DGKI: variants seen among roughly 807,000 people sequenced by gnomAD.
DGKI encodes the protein diacylglycerol kinase iota.
DGKI carries 55 observed loss-of-function variants against 147.5 expected under a neutral mutation model. The observed-to-expected ratio is 0.37, with a 90% CI of 0.30 to 0.47. The LOEUF (loss-of-function observed/expected upper bound fraction) is 0.47. Ranked by LOEUF, DGKI falls within the 20% of genes least tolerant of loss-of-function variation. The probability of loss-of-function intolerance (pLI) is 1.00; values close to 1 mark genes in which losing one functional copy is unlikely to be tolerated. For synonymous variants in DGKI, 469 were observed against 477.1 expected (o/e 0.98, Z 0.22); for missense variants, 1,007 against 1,323.8 (o/e 0.76, Z 3.71).
chr7:137,676,857 CAA>C (rs1213711912), intron 3 of DGKI, among the ~76,000 whole-genome samples: 1 of 152,120 alleles, frequency 6.6e-6, no homozygotes, highest in Admixed American at 6.6e-5. Flanking sequence ...ATATATTTGT[CAA>C]GAGAGGTAGC....
intron 1 of DGKI, among the ~76,000 whole-genome samples, chr7:137,760,709 C>T (rs1045846665): frequency 5.3e-5 from 8 of 152,182 alleles, no homozygotes; most frequent in African/African-American, 1.9e-4. Flanking sequence ...CAAAAAGAAG[C>T]TGATGGCTAA....
intron 28 of DGKI, among the ~76,000 whole-genome samples, chr7:137,440,732 A>G (rs555988474): frequency 1.3e-5 from 2 of 152,254 alleles, no homozygotes; most frequent in Non-Finnish European, 2.9e-5. Context: ...GCATGCGAGC[A>G]CAGTGCTTCT....
intron 6 of DGKI, among the ~76,000 whole-genome samples, chr7:137,639,237 A>G (rs1289501905): frequency 6.6e-6 from 1 of 152,212 alleles, no homozygotes; most frequent in Admixed American, 6.5e-5. Context: ...CCTTAAAAAG[A>G]CTGGAATCAA....
At chr7:137,564,438 G>C (rs1478559418) in intron 19 of DGKI, among the ~76,000 whole-genome samples, 1 of 151,882 alleles carries the variant, frequency 6.6e-6, no homozygotes, top group East Asian at 1.9e-4. Context: ...AAAAGGAAAA[G>C]TATAAACAAA....
chr7:137,585,707 A>G (rs1312660082), intron 13 of DGKI, among the ~76,000 whole-genome samples: 1 of 152,124 alleles, frequency 6.6e-6, no homozygotes, highest in African/African-American at 2.4e-5. Context: ...CACAAAACAA[A>G]TGTGTTTGGA....
intron 1 of DGKI, among the ~76,000 whole-genome samples, chr7:137,763,597 A>AT (rs1189513461): frequency 2.0e-5 from 3 of 152,234 alleles, no homozygotes; most frequent in African/African-American, 7.2e-5. Flanking sequence ...AAGTATCCTC[A>AT]TTTTTGAAAA....
chr7:137,718,751 C>A (rs915345948), intron 1 of DGKI, among the ~76,000 whole-genome samples: 2 of 152,168 alleles, frequency 1.3e-5, no homozygotes, highest in African/African-American at 4.8e-5. Flanking sequence ...TCCTGGGCAA[C>A]AAAGGAGAAG....
rs781580130 is a variant in DGKI, at chr7:137,846,161, T to TCTCTCTCTCTCACA, written c.401+300_401+301insTGTGAGAGAGAGAG. On this transcript the variant is annotated intron_variant, in intron 1 of 32. Coordinates refer to ENST00000614521, the MANE Select transcript of DGKI (RefSeq NM_001321708.2). This position sits in a 1 kb window ranked among gnomAD's most constrained non-coding sequence, Gnocchi z 4.0. ...CTCTCTCTCTCTCTCTCTCTCTCTCTCACACACACACACACACACACACAC... is the reference window on the plus strand; with the variant it reads ...CTCTCTCTCTCTCTCTCTCTCTCTCTCTCTCTCTCTCACACACACACACACACACACACACACAC... Among the ~76,000 whole-genome samples the TCTCTCTCTCTCACA allele has an allele frequency of 4.1e-3, 443 of 108,188 alleles. 2 individuals carry two copies. Among genetic ancestry groups the TCTCTCTCTCTCACA allele is most frequent in the Non-Finnish European group, 6.0e-3 (332 of 55,300 alleles). The allele number at this position is 108,188 out of a possible 152,430, so 71.0% of individuals were successfully genotyped here. A position where few individuals can be genotyped will look rare whatever the true frequency, so the allele number is the denominator to read the frequency against.
intron 19 of DGKI, among the ~76,000 whole-genome samples, chr7:137,569,767 A>AAAAAAAAAAAC (rs1818730393): frequency 7.9e-6 from 1 of 126,086 alleles, no homozygotes; most frequent in Non-Finnish European, 1.6e-5. Context: ...AAAAAAAAAA[A>AAAAAAAAAAAC]AAAAAGAATT....
intron 20 of DGKI, among the ~76,000 whole-genome samples, chr7:137,536,963 CTG>C (rs1817541109): frequency 6.6e-6 from 1 of 151,816 alleles, no homozygotes; most frequent in African/African-American, 2.4e-5. Flanking sequence ...CTCATGGAAA[CTG>C]AGAGATAAAG....
intron 21 of DGKI, among the ~76,000 whole-genome samples, chr7:137,506,797 A>C (rs1462795227): frequency 6.6e-6 from 1 of 152,212 alleles, no homozygotes; most frequent in African/African-American, 2.4e-5. Context: ...TCTTAGTTAA[A>C]AAGAAACAGA....
chr7:137,677,198 T>G (rs1474953350), intron 3 of DGKI, among the ~76,000 whole-genome samples: 1 of 152,182 alleles, frequency 6.6e-6, no homozygotes, highest in Non-Finnish European at 1.5e-5. Flanking sequence ...GATATTTAAG[T>G]CAATTAAATT....
At chr7:137,580,058 G>C (rs569549618) in intron 15 of DGKI, among the ~76,000 whole-genome samples, 1 of 151,990 alleles carries the variant, frequency 6.6e-6, no homozygotes, top group Admixed American at 6.6e-5. Flanking sequence ...AAAAACTTCC[G>C]GATAAGTTAG....
chr7:137,788,518 C>T (rs1465118135), intron 1 of DGKI, among the ~76,000 whole-genome samples: 1 of 152,018 alleles, frequency 6.6e-6, no homozygotes, highest in Non-Finnish European at 1.5e-5. Context: ...GTTCTTCTAC[C>T]AATCATCCAT....
Position 137,846,327 on chromosome 7 carries a change from G to C in DGKI, c.401+135C>G. ...GGGGAGAAGACAGACATCCCCGGGA[G>C]GAGAGGGGGAAAGGGGGAAGGAGAG... On this transcript the variant is annotated intron_variant, in intron 1 of 32. Transcript: ENST00000614521. This position sits in a 1 kb window ranked among gnomAD's most constrained non-coding sequence, Gnocchi z 4.0. 1.9e-6 allele frequency: 1 copy of C among 527,544 alleles called. No individual in the cohort carries two copies. 32.7% of individuals were successfully genotyped at this position (527,544 alleles called of 1,614,324 possible).
At chr7:137,547,929 G>C (rs2128964202) in intron 20 of DGKI, among the ~76,000 whole-genome samples, 2 of 152,254 alleles carry the variant, frequency 1.3e-5, no homozygotes, top group Middle Eastern at 6.8e-3. Flanking sequence ...ACTGCAAGAA[G>C]AGGACCAGAG....
chr7:137,660,963 C>T (rs981260573), intron 3 of DGKI, among the ~76,000 whole-genome samples: 2 of 152,102 alleles, frequency 1.3e-5, no homozygotes, highest in Admixed American at 6.6e-5. Flanking sequence ...GGATTGGGGC[C>T]TTTTTGCTGC....
chr7:137,645,558 A>G (rs1821795695), intron 5 of DGKI, 21 bp from the exon 6 acceptor site: 1 of 1,605,006 alleles, frequency 6.2e-7, no homozygotes, highest in Admixed American at 1.7e-5. Context: ...ACAAAATTAA[A>G]TGAATATTTT....
intron 1 of DGKI, among the ~76,000 whole-genome samples, chr7:137,740,572 G>A (rs1389312196): frequency 6.6e-6 from 1 of 152,168 alleles, no homozygotes; most frequent in Non-Finnish European, 1.5e-5. Context: ...AAGAAATGGA[G>A]ACTAGAAATT....
Sources: gnomAD v4.1 joint callset for allele counts (sites outside exome capture counted in the v4.1 genomes callset) on GRCh38, gnomAD v4.1.1 for gene constraint, Gnocchi (gnomAD v3.1) non-coding constraint, MANE v1.5 for transcripts, NCBI Gene and HGNC (gene_info 2026-07-23, HGNC 2026-07-21) for gene names.